LGSN: variants seen among roughly 807,000 people sequenced by gnomAD.
LGSN encodes lengsin, lens protein with glutamine synthetase domain.
In LGSN, 21 loss-of-function variants were observed where a neutral mutation model predicts 19.5. That is an observed-to-expected ratio of 1.07 (90% CI 0.76 to 1.55). LGSN has a LOEUF of 1.55. LGSN is among the 40% of genes most tolerant of loss of function. The pLI, the probability that LGSN is intolerant of heterozygous loss-of-function variation, is 0.00. For missense variants in LGSN, 673 were observed against 608.5 expected, an observed-to-expected ratio of 1.11 and a Z score of -1.12; for synonymous variants, 257 against 215.6, an observed-to-expected ratio of 1.19 and a Z score of -1.68.
At chr6:63,344,546 T>C in the LGSN span, among the ~76,000 whole-genome samples, 3 of 152,150 alleles carry the variant, frequency 2.0e-5, no homozygotes, top group Non-Finnish European at 4.4e-5. Flanking sequence ...AGAGTTCCCA[T>C]GATGATGGCT....
chr6:63,314,331 G>A (rs923102017), intron 1 of LGSN, among the ~76,000 whole-genome samples: 2 of 152,166 alleles, frequency 1.3e-5, no homozygotes, highest in Non-Finnish European at 2.9e-5. Context: ...CAGCCAGAAA[G>A]TGAGGCCTCA....
the LGSN span, among the ~76,000 whole-genome samples, chr6:63,387,226 A>C: frequency 6.6e-6 from 1 of 152,206 alleles, no homozygotes; most frequent in Non-Finnish European, 1.5e-5. Flanking sequence ...TGGATTATAC[A>C]ATTAGCAGCC....
the LGSN span, chr6:63,441,157 C>T: frequency 1.0e-5 from 2 of 198,680 alleles, no homozygotes; most frequent in African/African-American, 2.4e-5. Flanking sequence ...TGCAGTGAGC[C>T]GAGATTGCGC....
chr6:63,294,633 C>T (rs1347658816), intron 2 of LGSN, among the ~76,000 whole-genome samples: 1 of 152,014 alleles, frequency 6.6e-6, no homozygotes, highest in Non-Finnish European at 1.5e-5. Context: ...AAAACTGTCT[C>T]TCTTCCTACT....
the LGSN span, among the ~76,000 whole-genome samples, chr6:63,504,641 G>A: frequency 3.5e-3 from 528 of 152,072 alleles, 3 homozygotes; most frequent in Admixed American, 8.9e-3. Context: ...ACAGGGTTTT[G>A]CCACGTTGCT....
the LGSN span, among the ~76,000 whole-genome samples, chr6:63,354,435 A>C: frequency 6.6e-6 from 1 of 152,206 alleles, no homozygotes; most frequent in African/African-American, 2.4e-5. Flanking sequence ...TTAAAACCAA[A>C]ATGAGATACC....
At chr6:63,287,256 T>C (rs1767576063) in intron 2 of LGSN, among the ~76,000 whole-genome samples, 1 of 152,246 alleles carries the variant, frequency 6.6e-6, no homozygotes, top group South Asian at 2.1e-4. Flanking sequence ...CTACCTTCCA[T>C]TTAAAACAAA....
the LGSN span, among the ~76,000 whole-genome samples, chr6:63,473,417 T>C: frequency 3.0e-5 from 4 of 134,456 alleles, no homozygotes. Flanking sequence ...GAGGTTGCAG[T>C]GAGCCGAGAT....
At chr6:63,281,417 C>T (rs771363343) in intron 3 of LGSN, among the ~76,000 whole-genome samples, 197 bp from the exon 4 acceptor site, 31 of 148,026 alleles carry the variant, frequency 2.1e-4, no homozygotes, top group Non-Finnish European at 2.4e-4. Flanking sequence ...AATAAAACCC[C>T]CAAAGGCAAC....
At chr6:63,281,273 C>T (rs533329246) in intron 3 of LGSN, 53 bp from the exon 4 acceptor site, 16 of 1,251,118 alleles carry the variant, frequency 1.3e-5, no homozygotes, top group Admixed American at 9.7e-5. Context: ...ACAAAAGGGT[C>T]GGGGGGCGGC....
At chr6:63,480,994 C>CAT in the LGSN span, among the ~76,000 whole-genome samples, 1,542 of 119,186 alleles carry the variant, frequency 0.013, 54 homozygotes, top group African/African-American at 0.043. Context: ...TATACACACA[C>CAT]ACATACATAC....
At chr6:63,445,910 C>T in the LGSN span, among the ~76,000 whole-genome samples, 1 of 152,086 alleles carries the variant, frequency 6.6e-6, no homozygotes, top group African/African-American at 2.4e-5. Context: ...ATGACCTCTC[C>T]ATCATCACAC....
chr6:63,570,953 C>T, the LGSN span: 1 of 152,140 alleles, frequency 6.6e-6, no homozygotes, highest in East Asian at 1.9e-4. Flanking sequence ...GCCCCTACCA[C>T]CCAAGATTTT....
At chr6:63,516,780 G>A in the LGSN span, among the ~76,000 whole-genome samples, 1 of 152,164 alleles carries the variant, frequency 6.6e-6, no homozygotes, top group South Asian at 2.1e-4. Flanking sequence ...TTAAAGAAAG[G>A]GGTAGGACTT....
the LGSN span, among the ~76,000 whole-genome samples, chr6:63,422,822 A>T: frequency 5.9e-5 from 9 of 152,308 alleles, no homozygotes; most frequent in Middle Eastern, 3.4e-3. Flanking sequence ...GAAAGTACAA[A>T]CAGAAAATCA....
At chr6:63,481,418 C>A in the LGSN span, among the ~76,000 whole-genome samples, 1 of 151,926 alleles carries the variant, frequency 6.6e-6, no homozygotes, top group Non-Finnish European at 1.5e-5. Flanking sequence ...TCTCGGCTCA[C>A]TGCAACCTCT....
intron 1 of LGSN, among the ~76,000 whole-genome samples, chr6:63,315,234 T>C (rs1386094002): frequency 6.6e-6 from 1 of 152,184 alleles, no homozygotes; most frequent in Non-Finnish European, 1.5e-5. Flanking sequence ...GAAAGGACAT[T>C]TGACTCAGAC....
At chr6:63,396,999 G>A in the LGSN span, 1 of 152,474 alleles carries the variant, frequency 6.6e-6, no homozygotes, top group Non-Finnish European at 1.5e-5. Context: ...ATCCAAGGAA[G>A]AGAATGCCTG....
intron 1 of LGSN, among the ~76,000 whole-genome samples, chr6:63,296,841 C>A (rs1767993847): frequency 6.6e-6 from 1 of 152,026 alleles, no homozygotes; most frequent in African/African-American, 2.4e-5. Flanking sequence ...TTGCCCCAGG[C>A]CACAAGAGTG....
Sources: allele counts gnomAD v4.1 joint callset (sites outside exome capture counted in the v4.1 genomes callset), GRCh38; gene constraint gnomAD v4.1.1; transcripts MANE v1.5; gene names NCBI Gene and HGNC (gene_info 2026-07-23, HGNC 2026-07-21).